Variants in SLC20A1 observed in about 807,000 individuals in gnomAD.
SLC20A1 encodes the protein solute carrier family 20 member 1, also known as sodium-dependent phosphate transporter 1.
In SLC20A1, 28 loss-of-function variants were observed where a neutral mutation model predicts 62.7. The observed-to-expected ratio is 0.45, with a 90% confidence interval of 0.33 to 0.61. The LOEUF is 0.61. SLC20A1 is among the 20% of genes least tolerant of loss of function. The pLI, the probability that SLC20A1 is intolerant of heterozygous loss-of-function variation, is 0.02. For missense variants in SLC20A1, 673 were observed against 838.6 expected (o/e 0.80, Z 2.44); for synonymous variants, 305 against 302.9 (o/e 1.01, Z -0.07).
intron 8 of SLC20A1, 114 bp downstream of exon 8, chr2:112,659,876 A>T: frequency 1.2e-6 from 1 of 812,932 alleles, no homozygotes; most frequent in Non-Finnish European, 2.0e-6. Flanking sequence ...CCCAAATAAT[A>T]CAAATAGGAT....
chr2:112,646,713 T>C lies in SLC20A1; in HGVS notation c.-116T>C. 4 of 423,464 alleles carry C rather than the reference T, an allele frequency of 9.4e-6. No homozygotes were observed. The highest frequency in any genetic ancestry group is 1.5e-5 in the Non-Finnish European group (4 of 267,982). The allele number at this position is 423,464 out of a possible 1,614,324, so 26.2% of individuals were successfully genotyped here. A position where few individuals can be genotyped will look rare whatever the true frequency, so the allele number is the denominator to read the frequency against. ...GGTTTCTGTGCCGTAGTTTACAGTA[T>C]TTAATTTTATATAATATATATTATT... On this transcript the variant is annotated 5_prime_UTR_variant, in exon 2 of 11. Transcript: ENST00000272542.
Position 112,661,277 on chromosome 2 carries a change from G to A in SLC20A1, c.1878+51G>A, listed in dbSNP as rs752382189. On this transcript the variant is annotated intron_variant, in intron 10 of 10. Coordinates refer to ENST00000272542, the MANE Select transcript of SLC20A1 (RefSeq NM_005415.5). ...TTCAAATGGTTCTTCTAATATGTAG[G>A]GTTTTTAGTTTTACTTCTCTGATAC... is the stretch of plus-strand genomic sequence containing the variant. 7 of 1,418,386 alleles carry A rather than the reference G, an allele frequency of 4.9e-6. No homozygotes were observed. In the Admixed American group the frequency reaches 1.2e-4, roughly 24 times the overall value. The allele number at this position is 1,418,386 out of a possible 1,614,324, so 87.9% of individuals were successfully genotyped here.
At chr2:112,649,641 G>A (rs975627745) in intron 4 of SLC20A1, among the ~76,000 whole-genome samples, 1 of 151,994 alleles carries the variant, frequency 6.6e-6, no homozygotes, top group Admixed American at 6.6e-5. Context: ...GTTGGGGATA[G>A]GTGGGAACAG....
chr2:112,652,967 A>G, intron 5 of SLC20A1, 169 bp downstream of exon 5: 1 of 1,543,928 alleles, frequency 6.5e-7, no homozygotes, highest in Non-Finnish European at 8.8e-7. Context: ...GTTAACCTAG[A>G]TAGTTTTTCA....
At chr2:112,651,489 T>G (rs1284985523) in intron 4 of SLC20A1, among the ~76,000 whole-genome samples, 1 of 152,098 alleles carries the variant, frequency 6.6e-6, no homozygotes, top group Non-Finnish European at 1.5e-5. Flanking sequence ...CTGCAACCTC[T>G]GTCTCCCAGG....
In SLC20A1 at chr2:112,658,988, G is replaced by A. The variant is rs938225110; in HGVS notation, c.942G>A (p.Glu314=). The A allele has an allele frequency of 1.2e-6, 2 of 1,614,104 alleles. No homozygotes were observed. The highest frequency in any genetic ancestry group is 1.7e-6 in the Non-Finnish European group (2 of 1,180,058). Residue 314 remains glutamate (E), a synonymous_variant, in exon 7 of 11, where the codon GAG becomes GAA. Transcript: ENST00000272542. ...TGCCCCTCCAGGCTGTGGTGGAGGA[G>A]AGAACAGTCTCATTCAAACTTGGAG... The part of the protein sequence containing the change: ...ATVPLQAVVE[E]RTVSFKLGDL...
At chr2:112,653,012 A>AGAGGAAAGGTCTGTAGT in intron 5 of SLC20A1, 1 of 1,193,966 alleles carries the variant, frequency 8.4e-7, no homozygotes, top group Non-Finnish European at 1.2e-6. Flanking sequence ...AAATCACTAC[A>AGAGGAAAGGTCTGTAGT]GACCTTTCCT....
intron 4 of SLC20A1, among the ~76,000 whole-genome samples, chr2:112,650,166 G>C (rs1050974099): frequency 1.3e-4 from 20 of 152,166 alleles, no homozygotes; most frequent in African/African-American, 4.8e-4. Flanking sequence ...ATGCTATACA[G>C]GATAATAAAT....
At chr2:112,660,349 G>A in intron 8 of SLC20A1, 38 bp from the exon 9 acceptor site, 1 of 1,586,042 alleles carries the variant, frequency 6.3e-7, no homozygotes, top group Non-Finnish European at 8.6e-7. Flanking sequence ...ATCTAGTTCT[G>A]CCTGAAAAGT....
intron 4 of SLC20A1, among the ~76,000 whole-genome samples, chr2:112,650,228 C>T (rs1686397868): frequency 1.3e-5 from 2 of 151,860 alleles, no homozygotes; most frequent in African/African-American, 2.4e-5. Context: ...TATGGATAAT[C>T]ATATTACGAA....
chr2:112,655,365 TTA>T (rs1422650781), intron 5 of SLC20A1, among the ~76,000 whole-genome samples: 1 of 152,068 alleles, frequency 6.6e-6, no homozygotes, highest in Admixed American at 6.6e-5. Context: ...CAACCTTCAG[TTA>T]TTTGACTTTT....
At position 112,659,613 on chromosome 2, in the gene SLC20A1, A is replaced by G. The variant is rs1182624179; in HGVS notation, c.1458A>G (p.Ala486=). 1.2e-6 allele frequency: 2 copies of G among 1,614,238 alleles called. No individual in the cohort carries two copies. Among genetic ancestry groups the G allele is most frequent in the African/African-American group, 2.7e-5 (2 of 75,064 alleles). Residue 486 remains alanine (A), a synonymous_variant, in exon 8 of 11, where the codon GCA becomes GCG. Transcript: ENST00000272542. ...SASEIDMSVK[A]EMGLGDRKGS... is the part of the protein sequence containing the mutation. ...CTGAGATAGACATGAGTGTCAAGGC[A>G]GAGATGGGTCTAGGTGACAGAAAAG...
chr2:112,652,476 G>T (rs911774151), intron 4 of SLC20A1: 1 of 566,930 alleles, frequency 1.8e-6, no homozygotes, highest in African/African-American at 1.9e-5. Context: ...GGTACAGTTA[G>T]TCTTGTTATT....
intron 4 of SLC20A1, among the ~76,000 whole-genome samples, 183 bp downstream of exon 4, chr2:112,647,921 CAA>C (rs1235514825): frequency 2.0e-5 from 3 of 150,572 alleles, no homozygotes; most frequent in South Asian, 2.1e-4. Flanking sequence ...TTTTAATACT[CAA>C]GAGGGCAGTC....
rs980109954 is a variant in SLC20A1, at chr2:112,663,460, A to G, written c.*435A>G. 9.4e-6 allele frequency: 3 copies of G among 317,900 alleles called. No homozygotes were observed. The highest frequency in any genetic ancestry group is 4.4e-5 in the African/African-American group (2 of 45,434). The allele number at this position is 317,900 out of a possible 1,614,324, so 19.7% of individuals were successfully genotyped here. A position where few individuals can be genotyped will look rare whatever the true frequency, so the allele number is the denominator to read the frequency against. ...TCACATGCACAGGGATTTAACAACA[A>G]AAATATAACTACAACTTCCCTTGTA... On this transcript the variant is annotated 3_prime_UTR_variant, in exon 11 of 11. Transcript: ENST00000272542.
In SLC20A1 at chr2:112,663,184, C is replaced by A; in HGVS notation, c.*159C>A. On this transcript the variant is annotated 3_prime_UTR_variant, in exon 11 of 11. Transcript: ENST00000272542. ...TACTTGTGCTATAACTGCTTTTGTGCTAAATATGAATTGTCTCAAAATTAG... is the reference window on the plus strand; with the variant it reads ...TACTTGTGCTATAACTGCTTTTGTGATAAATATGAATTGTCTCAAAATTAG... 1.1e-6 allele frequency: 1 copy of A among 870,880 alleles called. No individual in the cohort carries two copies. The highest frequency in any genetic ancestry group is 1.9e-6 in the Non-Finnish European group (1 of 520,538). 53.9% of individuals were successfully genotyped at this position (870,880 alleles called of 1,614,324 possible).
chr2:112,663,477 TC>T lies in SLC20A1; in HGVS notation c.*455del, dbSNP rs576253857. On this transcript the variant is annotated 3_prime_UTR_variant, in exon 11 of 11. Coordinates refer to ENST00000272542, the MANE Select transcript of SLC20A1 (RefSeq NM_005415.5). ...TAACAACAAAAATATAACTACAACTTCCCTTGTAGTCTCTTATATAAGTAGA... is the reference window on the plus strand; with the variant it reads ...TAACAACAAAAATATAACTACAACTTCCTTGTAGTCTCTTATATAAGTAGA... The T allele has an allele frequency of 1.6e-5, 5 of 309,886 alleles. No individual in the cohort carries two copies. Among genetic ancestry groups the T allele is most frequent in the Non-Finnish European group, 3.1e-5 (5 of 161,784 alleles). The allele number at this position is 309,886 out of a possible 1,614,324, so 19.2% of individuals were successfully genotyped here.
intron 5 of SLC20A1, 126 bp from the exon 6 acceptor site, chr2:112,656,996 C>G: frequency 9.1e-7 from 1 of 1,097,356 alleles, no homozygotes. Flanking sequence ...GCACTTAAAT[C>G]TGGCAGCAGC....
chr2:112,649,017 G>A (rs796399410), intron 4 of SLC20A1, among the ~76,000 whole-genome samples: 6 of 152,300 alleles, frequency 3.9e-5, no homozygotes, highest in African/African-American at 1.4e-4. Context: ...CTTGGTAAAG[G>A]TTTATGCTGG....
Sources: gnomAD v4.1 joint callset for allele counts (sites outside exome capture counted in the v4.1 genomes callset) on GRCh38, gnomAD v4.1.1 for gene constraint, MANE v1.5 for transcripts, NCBI Gene and HGNC (gene_info 2026-07-23, HGNC 2026-07-21) for gene names.